SPPL3: variants seen among roughly 807,000 people sequenced by gnomAD.
The protein encoded by SPPL3 is signal peptide peptidase like 3.
SPPL3 carries 5 observed loss-of-function variants against 42.4 expected under a neutral mutation model. The ratio of observed to expected loss-of-function variants is 0.12; its 90% confidence interval spans 0.06 to 0.25. The LOEUF is 0.25. Ranked by LOEUF, SPPL3 falls within the 10% of genes least tolerant of loss-of-function variation. The probability of loss-of-function intolerance (pLI) is 1.00; values close to 1 mark genes in which losing one functional copy is unlikely to be tolerated. For synonymous variants in SPPL3, 195 were observed against 181.8 expected (o/e 1.07, Z -0.58); for missense variants, 235 against 489.0 (o/e 0.48, Z 4.90).
chr12:120,826,712 G>C (rs980360100), intron 1 of SPPL3, among the ~76,000 whole-genome samples: 2 of 151,974 alleles, frequency 1.3e-5, no homozygotes, highest in Non-Finnish European at 1.5e-5. Flanking sequence ...CAATGACTAA[G>C]GTCTTTGATC....
chr12:120,844,698 T>A (rs1871959083), intron 1 of SPPL3, among the ~76,000 whole-genome samples: 1 of 151,294 alleles, frequency 6.6e-6, no homozygotes, highest in South Asian at 2.1e-4. Context: ...TGGCTTTTGT[T>A]TTTTTTTTAA....
intron 1 of SPPL3, among the ~76,000 whole-genome samples, chr12:120,892,810 G>A (rs1277867194): frequency 3.3e-5 from 5 of 151,584 alleles, no homozygotes; most frequent in African/African-American, 1.2e-4. Flanking sequence ...GTGAAACCCC[G>A]TCTCTACTAA....
chr12:120,829,666 T>C (rs149562076), intron 1 of SPPL3, among the ~76,000 whole-genome samples: 22 of 151,866 alleles, frequency 1.4e-4, no homozygotes, highest in South Asian at 2.1e-4. Context: ...ACACAAGACA[T>C]AGACCAGGAG....
intron 1 of SPPL3, among the ~76,000 whole-genome samples, chr12:120,857,297 T>C: frequency 6.6e-6 from 1 of 152,192 alleles, no homozygotes; most frequent in East Asian, 1.9e-4. Flanking sequence ...CCAGTCAGAA[T>C]GGCGATTATT....
chr12:120,897,200 G>A (rs888355417), intron 1 of SPPL3, among the ~76,000 whole-genome samples: 13 of 152,282 alleles, frequency 8.5e-5, no homozygotes, highest in South Asian at 4.1e-4. Context: ...ATCTTTTTGA[G>A]AAATGCATGA....
intron 2 of SPPL3, 103 bp from the exon 3 acceptor site, chr12:120,791,660 G>A (rs1869920451): frequency 1.4e-6 from 1 of 737,050 alleles, no homozygotes; most frequent in Middle Eastern, 2.4e-4. Flanking sequence ...TAGGAAAGAA[G>A]GTCTCTTTTG....
At chr12:120,784,451 T>C (rs1231438148) in intron 4 of SPPL3, 23 bp downstream of exon 4, 4 of 1,575,154 alleles carry the variant, frequency 2.5e-6, no homozygotes. Flanking sequence ...ATGTTAAGAC[T>C]AGACAGAGAA....
At chr12:120,850,351 T>C (rs1460508106) in intron 1 of SPPL3, among the ~76,000 whole-genome samples, 1 of 152,088 alleles carries the variant, frequency 6.6e-6, no homozygotes, top group Non-Finnish European at 1.5e-5. Flanking sequence ...TCAACATGTC[T>C]ACACCACAGA....
At chr12:120,825,892 AG>A (rs1013483324) in intron 1 of SPPL3, among the ~76,000 whole-genome samples, 1 of 145,204 alleles carries the variant, frequency 6.9e-6, no homozygotes, top group African/African-American at 2.5e-5. Flanking sequence ...TGGAAAGAGG[AG>A]GTGCTATAGT....
At chr12:120,842,475 G>A (rs1871865870) in intron 1 of SPPL3, among the ~76,000 whole-genome samples, 2 of 152,134 alleles carry the variant, frequency 1.3e-5, no homozygotes, top group South Asian at 4.1e-4. Flanking sequence ...TAGTAGAAAA[G>A]GAAAAATTAG....
At chr12:120,814,005 TAA>T (rs1870781235) in intron 1 of SPPL3, among the ~76,000 whole-genome samples, 1 of 152,154 alleles carries the variant, frequency 6.6e-6, no homozygotes, top group African/African-American at 2.4e-5. Flanking sequence ...AAGTTAAACA[TAA>T]GTTTATCTTT....
chr12:120,767,656 T>A, intron 8 of SPPL3, 63 bp from the exon 9 acceptor site: 1 of 1,559,526 alleles, frequency 6.4e-7, no homozygotes, highest in Non-Finnish European at 8.8e-7. Context: ...ATTCCTTTTG[T>A]GCAAAGTTTG....
chr12:120,778,594 G>A (rs1455095924), intron 6 of SPPL3, among the ~76,000 whole-genome samples: 1 of 152,048 alleles, frequency 6.6e-6, no homozygotes, highest in African/African-American at 2.4e-5. Flanking sequence ...CCACTGAGCT[G>A]TTCTCCATCA....
In SPPL3 at chr12:120,845,497, C is replaced by T. The variant is rs530755685; in HGVS notation, c.24-34611G>A. 4 of 429,260 alleles carry T rather than the reference C, an allele frequency of 9.3e-6. No individual in the cohort carries two copies. In the East Asian group the frequency reaches 2.3e-4, roughly 25 times the overall value. 26.6% of individuals were successfully genotyped at this position (429,260 alleles called of 1,614,324 possible). On this transcript the variant is annotated intron_variant, in intron 1 of 10. Coordinates refer to ENST00000353487, the MANE Select transcript of SPPL3 (RefSeq NM_139015.5). Reference sequence around the variant, plus strand: ...ATATTCTTGTACTCCATGGTTTCCACGTTGAAGCCTATGGTGGGAATGGTG... The same window carrying T: ...ATATTCTTGTACTCCATGGTTTCCATGTTGAAGCCTATGGTGGGAATGGTG...
chr12:120,774,028 C>G (rs988203247), intron 6 of SPPL3, among the ~76,000 whole-genome samples: 4 of 152,228 alleles, frequency 2.6e-5, no homozygotes, highest in Non-Finnish European at 5.9e-5. Flanking sequence ...GCTAATCCTC[C>G]TCCACCTGCG....
chr12:120,766,608 G>T (rs898622047), intron 9 of SPPL3, among the ~76,000 whole-genome samples: 3 of 152,208 alleles, frequency 2.0e-5, no homozygotes, highest in African/African-American at 7.2e-5. Flanking sequence ...TCAGGTTCCT[G>T]GGTTCAAACC....
chr12:120,767,979 A>G (rs556977434), intron 8 of SPPL3, among the ~76,000 whole-genome samples: 1 of 152,364 alleles, frequency 6.6e-6, no homozygotes, highest in South Asian at 2.1e-4. Flanking sequence ...CCAAGATTAT[A>G]TTACCAGGAG....
intron 1 of SPPL3, chr12:120,845,003 A>G (rs1355527789): frequency 8.8e-6 from 2 of 226,634 alleles, no homozygotes; most frequent in African/African-American, 2.3e-5. Context: ...TGTGATGCAC[A>G]CTGTGACCGA....
At position 120,767,553 on chromosome 12, in the gene SPPL3, T is replaced by C. The variant is rs761474883; in HGVS notation, c.814A>G (p.Ile272Val). 5.8e-5 allele frequency: 93 copies of C among 1,614,238 alleles called. 3 individuals carry two copies. The South Asian group carries it at 9.6e-4, about 17-fold the overall frequency. ...SHFSMLGIGD[I>V]VMPGLLLCFV... ...CATAGTAGGAGACCAGGCATAACGATGTCTCCGATGCCCAACATGGAGAAG... is the reference window on the plus strand; with the variant it reads ...CATAGTAGGAGACCAGGCATAACGACGTCTCCGATGCCCAACATGGAGAAG... Residue 272 changes from isoleucine to valine, a missense_variant, in exon 9 of 11, where the codon ATC becomes GTC. Around this residue, in one of 6 missense-constraint regions of SPPL3, gnomAD observed 20 missense variants for 66.1 expected, o/e 0.30. Coordinates refer to ENST00000353487, the MANE Select transcript of SPPL3 (RefSeq NM_139015.5).
Sources: allele counts gnomAD v4.1 joint callset (sites outside exome capture counted in the v4.1 genomes callset), GRCh38; gene constraint gnomAD v4.1.1; regional missense constraint gnomAD v4.1.1; transcripts MANE v1.5; gene names NCBI Gene and HGNC (gene_info 2026-07-23, HGNC 2026-07-21).